The following ZBTB7C variants were observed in gnomAD, a reference collection of about 807,000 sequenced individuals.
The protein encoded by ZBTB7C is zinc finger and BTB domain containing 7C.
A neutral mutation model predicts 25.7 loss-of-function variants in ZBTB7C; 8 were observed. The observed-to-expected ratio is 0.31, with a 90% CI of 0.18 to 0.56. The LOEUF (loss-of-function observed/expected upper bound fraction) is 0.56. ZBTB7C is among the 20% of genes least tolerant of loss of function. The pLI, the probability that ZBTB7C is intolerant of heterozygous loss-of-function variation, is 0.91. For missense variants in ZBTB7C, 824 were observed against 855.2 expected, an observed-to-expected ratio of 0.96 and a Z score of 0.46; for synonymous variants, 394 against 369.0, an observed-to-expected ratio of 1.07 and a Z score of -0.78.
At chr18:48,354,796 C>T (rs2046941273) in intron 1 of ZBTB7C, among the ~76,000 whole-genome samples, 1 of 152,176 alleles carries the variant, frequency 6.6e-6, no homozygotes, top group Admixed American at 6.5e-5. Flanking sequence ...GAGTCAACAT[C>T]TGCAGCAGAG....
chr18:48,236,069 TC>T (rs1291384232), intron 2 of ZBTB7C, among the ~76,000 whole-genome samples: 2 of 152,224 alleles, frequency 1.3e-5, no homozygotes, highest in African/African-American at 4.8e-5. Flanking sequence ...TGTTAGACCT[TC>T]CTATTCAGCC....
intron 3 of ZBTB7C, among the ~76,000 whole-genome samples, chr18:48,146,741 A>C (rs968756981): frequency 6.6e-6 from 1 of 152,240 alleles, no homozygotes; most frequent in South Asian, 2.1e-4. Context: ...TGTTATTTGT[A>C]TATTTCAGAA....
chr18:48,131,513 T>G (rs1206809620), intron 3 of ZBTB7C, among the ~76,000 whole-genome samples: 2 of 152,112 alleles, frequency 1.3e-5, no homozygotes, highest in African/African-American at 4.8e-5. Flanking sequence ...TCAAACTAGG[T>G]GAGTTCCCCC....
intron 3 of ZBTB7C, among the ~76,000 whole-genome samples, chr18:48,181,885 T>C (rs1301997611): frequency 6.6e-6 from 1 of 152,226 alleles, no homozygotes; most frequent in Non-Finnish European, 1.5e-5. Context: ...CCTTTATTGC[T>C]TATTCTGTTT....
rs182744898 is a variant in ZBTB7C at position 48,375,060 on chromosome 18, C to T, written c.-304+34166G>A. ...AGTTACAGGACAGCTTTGCCAATCCCTGCCAAAAATGCAGCAACACAAGCT... is the reference window on the plus strand; with the variant it reads ...AGTTACAGGACAGCTTTGCCAATCCTTGCCAAAAATGCAGCAACACAAGCT... On this transcript the variant is annotated intron_variant, in intron 1 of 4. Coordinates refer to ENST00000590800, the MANE Select transcript of ZBTB7C (RefSeq NM_001318841.2). 9.8e-5 allele frequency among the ~76,000 whole-genome samples: 15 copies of T among 152,382 alleles called. 1 individual carries two copies. The highest frequency in any genetic ancestry group is 3.4e-4 in the African/African-American group (14 of 41,596).
intron 3 of ZBTB7C, among the ~76,000 whole-genome samples, chr18:48,118,551 T>C (rs1211897181): frequency 6.6e-6 from 1 of 152,244 alleles, no homozygotes; most frequent in African/African-American, 2.4e-5. Flanking sequence ...AGTCTTTGAC[T>C]TGTTCTTCCT....
chr18:48,244,998 T>A (rs779036298), intron 2 of ZBTB7C, among the ~76,000 whole-genome samples: 2 of 151,540 alleles, frequency 1.3e-5, no homozygotes, highest in Non-Finnish European at 2.9e-5. Context: ...TCTACATGCA[T>A]GTTTATAGCA....
intron 1 of ZBTB7C, among the ~76,000 whole-genome samples, chr18:48,403,321 T>G (rs1479912086): frequency 3.3e-5 from 5 of 152,196 alleles, no homozygotes; most frequent in African/African-American, 1.2e-4. Context: ...CCAACCACCC[T>G]TGTCAAATCA....
chr18:48,120,299 G>A (rs1025658027), intron 3 of ZBTB7C, among the ~76,000 whole-genome samples: 4 of 152,156 alleles, frequency 2.6e-5, no homozygotes, highest in Non-Finnish European at 5.9e-5. Context: ...TGAGGGCACT[G>A]GACCTCAGAG....
chr18:48,206,253 A>C (rs569938610), intron 2 of ZBTB7C, among the ~76,000 whole-genome samples: 38 of 152,346 alleles, frequency 2.5e-4, no homozygotes, highest in Non-Finnish European at 4.3e-4. Flanking sequence ...ATACACAAAG[A>C]AGCCAATGGA....
intron 2 of ZBTB7C, among the ~76,000 whole-genome samples, chr18:48,226,791 C>T (rs986641017): frequency 6.6e-6 from 1 of 152,138 alleles, no homozygotes. Context: ...GAGGCCAAGG[C>T]AGGCAGATCA....
Position 48,040,204 on chromosome 18 carries a change from G to A in ZBTB7C, c.904C>T (p.Pro302Ser). Residue 302 changes from proline (P) to serine (S), a missense_variant, in exon 4 of 5, where the codon CCG becomes TCG. Physicochemically the swap from Pro to Ser is moderately conservative, Grantham distance 74. This residue lies in a region of ZBTB7C where 316 missense variants were observed against 299.2 expected (regional missense o/e 1.06). Coordinates refer to ENST00000590800, the MANE Select transcript of ZBTB7C (RefSeq NM_001318841.2). ...EEKEELPPPP[P>S]PPFPNDFFKD... ...AAGAAGTCATTAGGGAAGGGTGGCG[G>A]TGGGGGTGGGGGCAGCTCCTCCTTC... 3 of 1,571,126 alleles carry A rather than the reference G, an allele frequency of 1.9e-6. No individual in the cohort carries two copies. Among genetic ancestry groups the A allele is most frequent in the Non-Finnish European group, 2.6e-6 (3 of 1,160,718 alleles).
chr18:48,250,207 A>T (rs1250827066), intron 2 of ZBTB7C, among the ~76,000 whole-genome samples: 1 of 152,208 alleles, frequency 6.6e-6, no homozygotes, highest in Non-Finnish European at 1.5e-5. Flanking sequence ...GCTTCATAGC[A>T]TAGAATGGGA....
At chr18:48,044,447 C>A (rs994131416) in intron 3 of ZBTB7C, among the ~76,000 whole-genome samples, 9 of 152,260 alleles carry the variant, frequency 5.9e-5, no homozygotes, top group African/African-American at 2.2e-4. Flanking sequence ...GAAACCAGGG[C>A]AGCCTGCGTG....
At chr18:48,115,441 G>A (rs960301775) in intron 3 of ZBTB7C, among the ~76,000 whole-genome samples, 2 of 151,930 alleles carry the variant, frequency 1.3e-5, no homozygotes, top group Admixed American at 6.6e-5. Flanking sequence ...TAGTAGAGAC[G>A]GGGTTTCACC....
intron 1 of ZBTB7C, among the ~76,000 whole-genome samples, chr18:48,344,760 T>A (rs745882593): frequency 6.6e-6 from 1 of 152,252 alleles, no homozygotes; most frequent in South Asian, 2.1e-4. Flanking sequence ...ACCAATTATA[T>A]GGATACTATG....
At chr18:48,219,175 G>T (rs767388026) in intron 2 of ZBTB7C, among the ~76,000 whole-genome samples, 1 of 152,154 alleles carries the variant, frequency 6.6e-6, no homozygotes, top group African/African-American at 2.4e-5. Flanking sequence ...CAGAGCATGA[G>T]GGGGAGCCAC....
intron 2 of ZBTB7C, among the ~76,000 whole-genome samples, chr18:48,188,785 T>C (rs930501626): frequency 6.6e-6 from 1 of 152,134 alleles, no homozygotes; most frequent in Non-Finnish European, 1.5e-5. Context: ...TACACTTTCA[T>C]TGTTACCATT....
intron 2 of ZBTB7C, among the ~76,000 whole-genome samples, chr18:48,213,561 G>T (rs1055857031): frequency 3.9e-5 from 6 of 152,176 alleles, no homozygotes; most frequent in Non-Finnish European, 8.8e-5. Context: ...GCCTTTGTTG[G>T]CATCTCATTG....
Sources: gnomAD v4.1 joint callset for allele counts (sites outside exome capture counted in the v4.1 genomes callset) on GRCh38, gnomAD v4.1.1 for gene constraint, gnomAD v4.1.1 regional missense constraint, MANE v1.5 for transcripts, NCBI Gene and HGNC (gene_info 2026-07-23, HGNC 2026-07-21) for gene names.